Variants in RSPO3 observed in about 807,000 individuals in gnomAD.
The protein encoded by RSPO3 is R-spondin 3, also known as R-spondin-3.
A neutral mutation model predicts 36.5 loss-of-function variants in RSPO3; 17 were observed. The observed-to-expected ratio is 0.47, with a 90% CI of 0.32 to 0.70. RSPO3 has a LOEUF of 0.70. Ranked by LOEUF, RSPO3 falls within the 30% of genes least tolerant of loss-of-function variation. RSPO3 has a pLI of 0.04. For synonymous variants in RSPO3, 108 were observed against 107.0 expected (o/e 1.01, Z -0.06); for missense variants, 294 against 322.5 (o/e 0.91, Z 0.68).
chr6:127,181,588 A>C (rs1775187661), intron 4 of RSPO3, among the ~76,000 whole-genome samples: 2 of 151,884 alleles, frequency 1.3e-5, no homozygotes, highest in African/African-American at 4.8e-5. Flanking sequence ...GCAGTTTAAA[A>C]GTTCCAGCAG....
intron 1 of RSPO3, among the ~76,000 whole-genome samples, chr6:127,131,062 C>T (rs1774043392): frequency 6.6e-6 from 1 of 152,158 alleles, no homozygotes; most frequent in Admixed American, 6.6e-5. Context: ...GCCAACTTTC[C>T]AGTTCTATCC....
At chr6:127,153,306 T>G (rs1257342404) in intron 3 of RSPO3, among the ~76,000 whole-genome samples, 1 of 152,110 alleles carries the variant, frequency 6.6e-6, no homozygotes, top group East Asian at 1.9e-4. Flanking sequence ...GAATAGAACC[T>G]AAATCACCTT....
intron 4 of RSPO3, among the ~76,000 whole-genome samples, chr6:127,168,320 T>C (rs561983949): frequency 7.2e-5 from 11 of 152,188 alleles, no homozygotes; most frequent in African/African-American, 2.4e-4. Context: ...TGGTTTCTCA[T>C]TGTGGTTTTG....
intron 1 of RSPO3, among the ~76,000 whole-genome samples, chr6:127,122,382 A>T (rs1289174882): frequency 6.6e-6 from 1 of 152,148 alleles, no homozygotes; most frequent in African/African-American, 2.4e-5. Context: ...TGCTAATAAC[A>T]TTAAGAAGCA....
At chr6:127,141,389 G>T (rs1225090930) in intron 1 of RSPO3, among the ~76,000 whole-genome samples, 2 of 151,874 alleles carry the variant, frequency 1.3e-5, no homozygotes, top group African/African-American at 4.8e-5. Flanking sequence ...TTAATATTTT[G>T]GGCTGACTTG....
chr6:127,157,196 G>A (rs764649751), intron 4 of RSPO3, among the ~76,000 whole-genome samples: 5 of 152,114 alleles, frequency 3.3e-5, no homozygotes, highest in East Asian at 1.9e-4. Context: ...TCCTGTTGCC[G>A]TACATTTACT....
intron 1 of RSPO3, among the ~76,000 whole-genome samples, chr6:127,129,513 C>T (rs1774008643): frequency 6.6e-6 from 1 of 152,040 alleles, no homozygotes; most frequent in African/African-American, 2.4e-5. Context: ...AGCCAGGCTC[C>T]TTGGGAGGAA....
chr6:127,197,534 C>G lies in RSPO3; in HGVS notation c.*1527C>G. 1 of 1,549,998 alleles carries G rather than the reference C, an allele frequency of 6.5e-7. No homozygotes were observed. Among genetic ancestry groups the G allele is most frequent in the South Asian group, 1.2e-5 (1 of 84,020 alleles). ...AGTGTGCAGCACAGAATCGCATGAC[C>G]CACCTTAACCTTCCTGTTGTCATGG... On this transcript the variant is annotated 3_prime_UTR_variant, in exon 5 of 5. Transcript: ENST00000356698.
intron 1 of RSPO3, among the ~76,000 whole-genome samples, chr6:127,147,917 C>T (rs1261460547): frequency 3.3e-5 from 5 of 152,094 alleles, no homozygotes; most frequent in Non-Finnish European, 7.4e-5. Flanking sequence ...ATATGATCCA[C>T]ATGGAAACAC....
intron 4 of RSPO3, among the ~76,000 whole-genome samples, chr6:127,190,494 C>T (rs766741834): frequency 2.6e-5 from 4 of 152,110 alleles, no homozygotes; most frequent in Non-Finnish European, 5.9e-5. Flanking sequence ...ACATAATAAT[C>T]AGGTCCAATT....
chr6:127,122,329 T>G (rs975273785), intron 1 of RSPO3, among the ~76,000 whole-genome samples: 3 of 152,242 alleles, frequency 2.0e-5, no homozygotes, highest in Admixed American at 1.3e-4. Flanking sequence ...TGAATTGGTA[T>G]ACAGCTCTTA....
At chr6:127,175,710 G>T (rs538096359) in intron 4 of RSPO3, among the ~76,000 whole-genome samples, 1 of 151,556 alleles carries the variant, frequency 6.6e-6, no homozygotes. Context: ...CAAATTGATG[G>T]CCTTAAACTG....
chr6:127,198,649 T>C lies in RSPO3; in HGVS notation c.*2642T>C, dbSNP rs1296103625. On this transcript the variant is annotated 3_prime_UTR_variant, in exon 5 of 5. Coordinates refer to ENST00000356698, the MANE Select transcript of RSPO3 (RefSeq NM_032784.5). ...GCCCTGTTCTCCGAATTCAGCTTCA[T>C]AATTAAGGGAAGGCCTGTTTTCTAT... Among the ~76,000 whole-genome samples the C allele has an allele frequency of 1.3e-5, 2 of 152,216 alleles. No individual in the cohort carries two copies. The highest frequency in any genetic ancestry group is 3.8e-4 in the East Asian group (2 of 5,198).
At position 127,193,968 on chromosome 6, in the gene RSPO3, A is replaced by G. The variant is rs73771629; in HGVS notation, c.635-1855A>G. ...TCCAAAACAATTTGCTTCACCCTTG[A>G]ATGAATTCTGATTTTTGTCAATTGT... On this transcript the variant is annotated intron_variant, in intron 4 of 4. Coordinates refer to ENST00000356698, the MANE Select transcript of RSPO3 (RefSeq NM_032784.5). 5.2e-3 allele frequency among the ~76,000 whole-genome samples: 799 copies of G among 152,314 alleles called. 6 individuals are homozygous for G. Among genetic ancestry groups the G allele is most frequent in the African/African-American group, 0.017 (726 of 41,586 alleles).
intron 4 of RSPO3, among the ~76,000 whole-genome samples, chr6:127,185,211 G>T (rs1296641762): frequency 6.6e-6 from 1 of 152,022 alleles, no homozygotes; most frequent in Non-Finnish European, 1.5e-5. Flanking sequence ...CTATCTTGAT[G>T]ATTGTGGAAA....
chr6:127,176,279 T>C (rs150205910), intron 4 of RSPO3, among the ~76,000 whole-genome samples: 2 of 151,872 alleles, frequency 1.3e-5, no homozygotes, highest in African/African-American at 4.8e-5. Context: ...CCAGATTGCA[T>C]TGACTAAGAT....
intron 4 of RSPO3, among the ~76,000 whole-genome samples, chr6:127,191,886 G>A (rs570333153): frequency 5.9e-5 from 9 of 152,238 alleles, no homozygotes; most frequent in South Asian, 2.1e-4. Flanking sequence ...ATTGAAGCCC[G>A]TATATCTTTC....
chr6:127,157,801 A>G (rs17054398), intron 4 of RSPO3, among the ~76,000 whole-genome samples: 70,948 of 151,490 alleles, frequency 0.47, 16,780 homozygotes, highest in East Asian at 0.53. Flanking sequence ...CCTATAAACT[A>G]CAGGTAGGAA....
At chr6:127,164,026 C>T (rs965982447) in intron 4 of RSPO3, among the ~76,000 whole-genome samples, 3 of 152,038 alleles carry the variant, frequency 2.0e-5, no homozygotes, top group Non-Finnish European at 2.9e-5. Flanking sequence ...GAGTCTTTCT[C>T]CATTTAGGAG....
Sources: gnomAD v4.1 joint callset for allele counts (sites outside exome capture counted in the v4.1 genomes callset) on GRCh38, gnomAD v4.1.1 for gene constraint, MANE v1.5 for transcripts, NCBI Gene and HGNC (gene_info 2026-07-23, HGNC 2026-07-21) for gene names.